Variants in ACSM4 observed in about 807,000 individuals in gnomAD.
The protein encoded by ACSM4 is acyl-coenzyme A synthetase ACSM4, mitochondrial.
In ACSM4, 66 loss-of-function variants were observed where a neutral mutation model predicts 73.0. That is an observed-to-expected ratio of 0.90 (90% CI 0.74 to 1.11). The LOEUF is 1.11. Among genes scored for constraint, ACSM4 ranks in the 50% least tolerant of loss-of-function variants. The pLI, the probability that ACSM4 is intolerant of heterozygous loss-of-function variation, is 0.00. For missense variants in ACSM4, 645 were observed against 714.4 expected, an observed-to-expected ratio of 0.90 and a Z score of 1.11; for synonymous variants, 222 against 254.0, an observed-to-expected ratio of 0.87 and a Z score of 1.20.
chr12:7,323,308 T>A lies in ACSM4; in HGVS notation c.1200T>A (p.Asp400Glu). ...GSMGKGMLPY[D>E]VQIIDENGNV... ...TGGGGAAAGGAATGCTGCCCTATGA[T>A]GTCCAGGTAGGTTGAGAAAATATCT... Residue 400 changes from aspartate (D) to glutamate (E), a missense_variant, in exon 8 of 13, where the codon GAT becomes GAA. Coordinates refer to ENST00000399422, the MANE Select transcript of ACSM4 (RefSeq NM_001080454.2). 6.2e-7 allele frequency: 1 copy of A among 1,610,646 alleles called. No homozygotes were observed. Among genetic ancestry groups the A allele is most frequent in the African/African-American group, 1.3e-5 (1 of 75,012 alleles).
intron 3 of ACSM4, among the ~76,000 whole-genome samples, chr12:7,312,697 G>C (rs1946398028): frequency 6.6e-6 from 1 of 152,198 alleles, no homozygotes; most frequent in South Asian, 2.1e-4. Flanking sequence ...GATGATGATA[G>C]TATCTACCTC....
At chr12:7,307,869 A>G (rs747678561) in intron 2 of ACSM4, among the ~76,000 whole-genome samples, 17 of 152,342 alleles carry the variant, frequency 1.1e-4, no homozygotes, top group African/African-American at 4.1e-4. Flanking sequence ...AAGTTTTCCA[A>G]TTCCTGCTCT....
intron 5 of ACSM4, among the ~76,000 whole-genome samples, chr12:7,319,168 A>T (rs1310728751): frequency 6.6e-6 from 1 of 152,214 alleles, no homozygotes; most frequent in African/African-American, 2.4e-5. Context: ...ATCATCAGGC[A>T]TTAGATTCTC....
At chr12:7,310,767 A>G (rs1397812882) in intron 3 of ACSM4, 21 bp downstream of exon 3, 1 of 1,602,652 alleles carries the variant, frequency 6.2e-7, no homozygotes, top group African/African-American at 1.3e-5. Context: ...TTCCCAGCCA[A>G]TCTACACTGC....
rs373559779 is a variant in ACSM4 at position 7,326,949 on chromosome 12, C to G, written c.1537-27C>G. 2.6e-6 allele frequency: 4 copies of G among 1,568,538 alleles called. No homozygotes were observed. In the African/African-American group the frequency reaches 4.1e-5, roughly 16 times the overall value. On this transcript the variant is annotated intron_variant, in intron 11 of 12. Transcript: ENST00000399422. The stretch of plus-strand genomic sequence containing the variant: ...TTGATGTGTCTGAAAAACAAATGAG[C>G]AAGATAAATTAACTTTTCTGTTGCA...
chr12:7,304,509 G>C lies in ACSM4; in HGVS notation c.178G>C (p.Asp60His). 1.9e-6 allele frequency: 3 copies of C among 1,613,626 alleles called. No homozygotes were observed. Among genetic ancestry groups the C allele is most frequent in the Non-Finnish European group, 2.5e-6 (3 of 1,179,838 alleles). The change falls in exon 1 of 13, where the codon GAC becomes CAC. Residue 60 changes from aspartate to histidine, a missense_variant. By Grantham distance (81) the Asp-to-His change is moderately conservative (BLOSUM62 -1). Coordinates refer to ENST00000399422, the MANE Select transcript of ACSM4 (RefSeq NM_001080454.2). ...CTTTAACTTTGCTGCAGATGTGCTG[G>C]ACCAGTGGTCCCAAAAGGAGAAGGT... is the stretch of plus-strand genomic sequence containing the variant. ...KNFNFAADVL[D>H]QWSQKEKTGE...
rs1432102314 is a variant in ACSM4, at chr12:7,304,357, C to T, written c.26C>T (p.Thr9Ile). Reference sequence around the variant, plus strand: ...ATGAAGATTTTTTTCCGCTACCAGACATTTAGATTCATCTGGCTCACCAAG... The same window carrying T: ...ATGAAGATTTTTTTCCGCTACCAGATATTTAGATTCATCTGGCTCACCAAG... MKIFFRYQ[T>I]FRFIWLTKPP... Residue 9 changes from threonine to isoleucine, a missense_variant, in exon 1 of 13, where the codon ACA (threonine) becomes ATA (isoleucine). By Grantham distance (89) the Thr-to-Ile change is moderately conservative. Coordinates refer to ENST00000399422, the MANE Select transcript of ACSM4 (RefSeq NM_001080454.2). 37 of 1,613,944 alleles carry T rather than the reference C, an allele frequency of 2.3e-5. No individual in the cohort carries two copies. The highest frequency in any genetic ancestry group is 3.1e-5 in the Non-Finnish European group (36 of 1,179,842).
chr12:7,313,513 T>A (rs1359370041), intron 3 of ACSM4, among the ~76,000 whole-genome samples: 1 of 152,230 alleles, frequency 6.6e-6, no homozygotes, highest in Non-Finnish European at 1.5e-5. Flanking sequence ...ATTTTAAGGC[T>A]TCTTGCCCTC....
intron 10 of ACSM4, 47 bp from the exon 11 acceptor site, chr12:7,324,452 C>T: frequency 4.3e-6 from 7 of 1,613,920 alleles, no homozygotes; most frequent in Non-Finnish European, 5.9e-6. Flanking sequence ...GGAGGGAGAT[C>T]TCTAACTTGG....
intron 10 of ACSM4, 23 bp from the exon 11 acceptor site, chr12:7,324,476 C>G (rs1946488574): frequency 1.2e-6 from 2 of 1,613,824 alleles, no homozygotes; most frequent in East Asian, 4.5e-5. Context: ...ATGTGGTGGT[C>G]AAAAACTTCT....
intron 6 of ACSM4, among the ~76,000 whole-genome samples, 178 bp downstream of exon 6, chr12:7,320,982 C>T (rs1449914693): frequency 1.3e-5 from 2 of 152,170 alleles, no homozygotes; most frequent in Non-Finnish European, 2.9e-5. Flanking sequence ...TGTTGAGCAG[C>T]ATCTCAAGAC....
rs374903065 is a variant in ACSM4 at position 7,318,085 on chromosome 12, T to A, written c.824T>A (p.Val275Asp). 27 of 1,613,698 alleles carry A rather than the reference T, an allele frequency of 1.7e-5. No individual in the cohort carries two copies. The African/African-American group carries it at 2.4e-4, about 14-fold the overall frequency. Reference sequence around the variant, plus strand: ...TGGAATATGTCTGACACGGGCTGGGTCAAGGCCGCCATTGGCAGTGTGTTT... The same window carrying A: ...TGGAATATGTCTGACACGGGCTGGGACAAGGCCGCCATTGGCAGTGTGTTT... ...IIWNMSDTGW[V>D]KAAIGSVFSS... The change falls in exon 5 of 13, where the codon GTC becomes GAC. Residue 275 changes from valine to aspartate, a missense_variant. Physicochemically the swap from Val to Asp is radical, Grantham distance 152 (BLOSUM62 -3). Coordinates refer to ENST00000399422, the MANE Select transcript of ACSM4 (RefSeq NM_001080454.2).
chr12:7,305,763 C>T (rs776341692), intron 1 of ACSM4, among the ~76,000 whole-genome samples: 13 of 152,156 alleles, frequency 8.5e-5, no homozygotes, highest in Admixed American at 1.3e-4. Context: ...AGCTCACAGA[C>T]GAACTGACAT....
At position 7,304,190 on chromosome 12, in the gene ACSM4, C is replaced by A; in HGVS notation, c.-142C>A. 1.2e-6 allele frequency: 1 copy of A among 866,996 alleles called. No homozygotes were observed. Among genetic ancestry groups the A allele is most frequent in the Non-Finnish European group, 1.8e-6 (1 of 553,322 alleles). The allele number at this position is 866,996 out of a possible 1,614,324, so 53.7% of individuals were successfully genotyped here. A position where few individuals can be genotyped will look rare whatever the true frequency, so the allele number is the denominator to read the frequency against. ...GATGAGGTGTTTTTCAGGTGTTCCC[C>A]AACTTGCCAGGGACACACAGCCACA... On this transcript the variant is annotated 5_prime_UTR_variant, in exon 1 of 13. Coordinates refer to ENST00000399422, the MANE Select transcript of ACSM4 (RefSeq NM_001080454.2).
At chr12:7,322,312 C>A in intron 6 of ACSM4, 106 bp from the exon 7 acceptor site, 19 of 1,502,492 alleles carry the variant, frequency 1.3e-5, no homozygotes, top group Non-Finnish European at 1.8e-5. Flanking sequence ...TTTGCTAAGA[C>A]TTGCCTCTCC....
rs531057255 is a variant in ACSM4 at position 7,318,601 on chromosome 12, C to T, written c.921+419C>T. The T allele has an allele frequency of 1.1e-4, 17 of 156,086 alleles. No individual in the cohort carries two copies. In the South Asian group the frequency reaches 2.4e-3, roughly 22 times the overall value. The allele number at this position is 156,086 out of a possible 1,614,324, so 9.7% of individuals were successfully genotyped here. A position where few individuals can be genotyped will look rare whatever the true frequency, so the allele number is the denominator to read the frequency against. ...GGGTGCCTTTCTCCCAGAGCAGCTCCTCTTATTCTCCCCCAGCCTATACTT... is the reference window on the plus strand; with the variant it reads ...GGGTGCCTTTCTCCCAGAGCAGCTCTTCTTATTCTCCCCCAGCCTATACTT... On this transcript the variant is annotated intron_variant, in intron 5 of 12. Transcript: ENST00000399422.
chr12:7,305,504 T>C (rs971388968), intron 1 of ACSM4, among the ~76,000 whole-genome samples: 3 of 152,192 alleles, frequency 2.0e-5, no homozygotes, highest in Non-Finnish European at 4.4e-5. Flanking sequence ...ACCTATATTA[T>C]TTCACCAAAT....
intron 7 of ACSM4, 142 bp from the exon 8 acceptor site, chr12:7,323,092 A>T: frequency 1.4e-6 from 1 of 730,734 alleles, no homozygotes; most frequent in African/African-American, 1.8e-5. Context: ...TTTGAGAACT[A>T]CTGGTTTCAA....
chr12:7,313,842 A>G (rs1268415566), intron 3 of ACSM4, among the ~76,000 whole-genome samples: 7 of 152,224 alleles, frequency 4.6e-5, no homozygotes, highest in Admixed American at 2.0e-4. Context: ...AAGAGCAAAC[A>G]GAGGCCAGGG....
Sources: gnomAD v4.1 joint callset for allele counts (sites outside exome capture counted in the v4.1 genomes callset) on GRCh38, gnomAD v4.1.1 for gene constraint, MANE v1.5 for transcripts, NCBI Gene and HGNC (gene_info 2026-07-23, HGNC 2026-07-21) for gene names.